Variants in FGF14 observed in about 807,000 individuals in gnomAD.
FGF14 encodes fibroblast growth factor homologous factor 4.
A neutral mutation model predicts 25.5 loss-of-function variants in FGF14; 5 were observed. The ratio of observed to expected loss-of-function variants is 0.20; its 90% CI spans 0.10 to 0.41. The LOEUF (loss-of-function observed/expected upper bound fraction) is 0.41. Ranked by LOEUF, FGF14 falls within the 10% of genes least tolerant of loss-of-function variation. The pLI, the probability that FGF14 is intolerant of heterozygous loss-of-function variation, is 1.00. For synonymous variants in FGF14, 138 were observed against 118.3 expected (o/e 1.17, Z -1.08); for missense variants, 222 against 320.1 (o/e 0.69, Z 2.34).
intron 1 of FGF14, among the ~76,000 whole-genome samples, chr13:102,103,728 T>C (rs1030404805): frequency 1.3e-5 from 2 of 152,190 alleles, no homozygotes; most frequent in South Asian, 4.1e-4. Context: ...TTAGAGGTCC[T>C]TTACCTGAGC....
At chr13:102,082,254 A>G (rs2043658253) in intron 1 of FGF14, among the ~76,000 whole-genome samples, 1 of 150,768 alleles carries the variant, frequency 6.6e-6, no homozygotes, top group African/African-American at 2.4e-5. Flanking sequence ...AAAAAAAAAC[A>G]GTGTACTTCA....
At chr13:102,120,791 C>T (rs1056281089) in intron 1 of FGF14, among the ~76,000 whole-genome samples, 2 of 151,382 alleles carry the variant, frequency 1.3e-5, no homozygotes, top group Non-Finnish European at 2.9e-5. Flanking sequence ...GCAACCACCA[C>T]CTTCCAGGCT....
intron 3 of FGF14, among the ~76,000 whole-genome samples, chr13:101,835,638 T>C (rs1179754851): frequency 6.6e-6 from 1 of 151,918 alleles, no homozygotes; most frequent in African/African-American, 2.4e-5. Flanking sequence ...ACAGGACATG[T>C]GGAGGGTCTG....
At chr13:102,249,955 G>A (rs781130610) in intron 1 of FGF14, among the ~76,000 whole-genome samples, 8 of 152,096 alleles carry the variant, frequency 5.3e-5, no homozygotes, top group Non-Finnish European at 1.0e-4. Flanking sequence ...GTGGACTAAG[G>A]GGGAGGCATG....
At chr13:101,879,112 T>C (rs1227892912) in intron 1 of FGF14, among the ~76,000 whole-genome samples, 1 of 152,196 alleles carries the variant, frequency 6.6e-6, no homozygotes, top group African/African-American at 2.4e-5. Context: ...AGTTCTTTAT[T>C]CTCTTCTGAA....
At chr13:102,269,304 T>G (rs926322462) in intron 1 of FGF14, among the ~76,000 whole-genome samples, 1 of 152,204 alleles carries the variant, frequency 6.6e-6, no homozygotes. Context: ...GTGTTAACTC[T>G]GAAAGTGTCT....
chr13:101,851,197 C>G (rs1343625855), intron 3 of FGF14, among the ~76,000 whole-genome samples: 1 of 151,970 alleles, frequency 6.6e-6, no homozygotes, highest in Non-Finnish European at 1.5e-5. Flanking sequence ...ACAATGAACA[C>G]AGAGACAGAG....
intron 1 of FGF14, among the ~76,000 whole-genome samples, chr13:102,190,189 A>T (rs930954606): frequency 3.9e-5 from 6 of 152,178 alleles, no homozygotes; most frequent in African/African-American, 1.2e-4. Context: ...ACCTTCCCTC[A>T]TACCTCCCTG....
chr13:102,136,555 A>T (rs764823691), intron 1 of FGF14, among the ~76,000 whole-genome samples: 3 of 152,138 alleles, frequency 2.0e-5, no homozygotes, highest in African/African-American at 4.8e-5. Flanking sequence ...TGCAAAAGGC[A>T]CTATAGCAAC....
At chr13:102,096,021 T>G (rs1247450495) in intron 1 of FGF14, among the ~76,000 whole-genome samples, 4 of 146,760 alleles carry the variant, frequency 2.7e-5, no homozygotes, top group Non-Finnish European at 6.1e-5. Flanking sequence ...ATATATAATA[T>G]ATTTCTTTAT....
chr13:102,008,815 T>C (rs968427379), intron 1 of FGF14, among the ~76,000 whole-genome samples: 7 of 152,194 alleles, frequency 4.6e-5, no homozygotes, highest in Non-Finnish European at 7.4e-5. Context: ...ACAGTGAAAC[T>C]GATGTGTAAT....
intron 1 of FGF14, among the ~76,000 whole-genome samples, chr13:102,004,274 G>T (rs573613088): frequency 6.6e-6 from 1 of 152,134 alleles, no homozygotes; most frequent in East Asian, 1.9e-4. Context: ...CTGCTAGTTC[G>T]ATTACATTTG....
At chr13:102,176,472 G>A (rs1219464380) in intron 1 of FGF14, among the ~76,000 whole-genome samples, 1 of 152,086 alleles carries the variant, frequency 6.6e-6, no homozygotes, top group Non-Finnish European at 1.5e-5. Flanking sequence ...TGGTTACAAT[G>A]TTCACTATTT....
intron 1 of FGF14, among the ~76,000 whole-genome samples, chr13:101,971,134 C>G (rs2037563166): frequency 6.6e-6 from 1 of 152,078 alleles, no homozygotes; most frequent in African/African-American, 2.4e-5. Context: ...AAGAAAATAA[C>G]AAAATATAGA....
intron 1 of FGF14, among the ~76,000 whole-genome samples, chr13:102,144,186 A>G (rs1479142363): frequency 6.6e-6 from 1 of 152,130 alleles, no homozygotes; most frequent in African/African-American, 2.4e-5. Flanking sequence ...TGGCTAATAT[A>G]TATCTATGGC....
At chr13:102,165,949 T>C (rs1327827368) in intron 1 of FGF14, among the ~76,000 whole-genome samples, 1 of 151,888 alleles carries the variant, frequency 6.6e-6, no homozygotes, top group Non-Finnish European at 1.5e-5. Flanking sequence ...GGTAAAATTT[T>C]TCATTTTAAC....
chr13:101,828,751 T>C (rs766039508), intron 3 of FGF14, among the ~76,000 whole-genome samples: 85 of 152,250 alleles, frequency 5.6e-4, no homozygotes, highest in Non-Finnish European at 9.7e-4. Context: ...CCATGCTGGG[T>C]TGAGATAAAA....
intron 1 of FGF14, among the ~76,000 whole-genome samples, chr13:102,136,977 G>A (rs922390978): frequency 5.9e-5 from 9 of 152,090 alleles, no homozygotes; most frequent in African/African-American, 1.2e-4. Flanking sequence ...CAATATTTAC[G>A]AACTTTGTGA....
At chr13:101,937,685 C>G (rs914175003) in intron 1 of FGF14, among the ~76,000 whole-genome samples, 3 of 152,174 alleles carry the variant, frequency 2.0e-5, no homozygotes, top group Non-Finnish European at 1.5e-5. Context: ...ACCTCTGCCT[C>G]CCGGATTCAA....
Sources: gnomAD v4.1 joint callset for allele counts (sites outside exome capture counted in the v4.1 genomes callset) on GRCh38, gnomAD v4.1.1 for gene constraint, MANE v1.5 for transcripts, NCBI Gene and HGNC (gene_info 2026-07-23, HGNC 2026-07-21) for gene names.